The following DRC5 variants were observed in gnomAD, a reference collection of about 807,000 sequenced individuals.
DRC5 encodes the protein dynein regulatory complex subunit 5, also known as T-complex-associated testis-expressed protein 1.
the DRC5 span, among the ~76,000 whole-genome samples, chr6:44,283,010 G>A: frequency 2.0e-5 from 3 of 151,956 alleles, no homozygotes; most frequent in Admixed American, 6.6e-5. Context: ...TACCGTGTTA[G>A]CCAGGATGGT....
chr6:44,289,799 C>T, the DRC5 span, among the ~76,000 whole-genome samples: 2 of 152,378 alleles, frequency 1.3e-5, no homozygotes, highest in East Asian at 3.9e-4. Flanking sequence ...CCCTTGCACT[C>T]CTGCCCTGAG....
the DRC5 span, among the ~76,000 whole-genome samples, chr6:44,291,235 T>C: frequency 3.3e-5 from 5 of 152,202 alleles, no homozygotes; most frequent in Non-Finnish European, 7.3e-5. Flanking sequence ...AAGATCAGAG[T>C]TGATAATTTT....
the DRC5 span, among the ~76,000 whole-genome samples, chr6:44,291,739 T>A: frequency 6.6e-6 from 1 of 152,088 alleles, no homozygotes; most frequent in African/African-American, 2.4e-5. Context: ...AAGCAGAGGG[T>A]ACTGTTACCA....
At chr6:44,282,626 T>C in the DRC5 span, 7 of 1,433,202 alleles carry the variant, frequency 4.9e-6, no homozygotes, top group African/African-American at 2.8e-5. Flanking sequence ...ACCTAGATCT[T>C]TGGCAAACTT....
the DRC5 span, among the ~76,000 whole-genome samples, chr6:44,281,135 G>A: frequency 2.0e-5 from 3 of 152,150 alleles, no homozygotes; most frequent in Non-Finnish European, 4.4e-5. Flanking sequence ...ACCTAATGGA[G>A]GGCCCTGCTC....
the DRC5 span, among the ~76,000 whole-genome samples, chr6:44,285,629 T>C: frequency 6.6e-6 from 1 of 152,230 alleles, no homozygotes; most frequent in African/African-American, 2.4e-5. Context: ...TTTATGTTTA[T>C]ATGATTGCTG....
the DRC5 span, chr6:44,279,748 G>GGTGTGT: frequency 0.023 from 3,095 of 135,310 alleles, 50 homozygotes; most frequent in South Asian, 0.038. Context: ...GTAGCCAGAG[G>GGTGTGT]GTGTGTGTGT....
chr6:44,294,379 TAAG>T, the DRC5 span, among the ~76,000 whole-genome samples: 346 of 152,306 alleles, frequency 2.3e-3, 1 homozygote, highest in Non-Finnish European at 4.1e-3. Context: ...TGACTACATA[TAAG>T]ATATCAGGAT....
At chr6:44,287,522 G>A in the DRC5 span, 6 of 1,581,630 alleles carry the variant, frequency 3.8e-6, no homozygotes, top group Non-Finnish European at 1.7e-6. Context: ...GCCTTCTCCT[G>A]CCCACCTAAA....
At chr6:44,285,040 C>T in the DRC5 span, among the ~76,000 whole-genome samples, 10 of 152,342 alleles carry the variant, frequency 6.6e-5, no homozygotes, top group South Asian at 2.1e-4. Flanking sequence ...TCACACTCTG[C>T]GCCAGCCACA....
the DRC5 span, among the ~76,000 whole-genome samples, chr6:44,290,486 T>C: frequency 6.6e-6 from 1 of 152,178 alleles, no homozygotes; most frequent in African/African-American, 2.4e-5. Context: ...CCTGAGATGG[T>C]ATCTTTGGGT....
chr6:44,287,672 G>A, the DRC5 span: 24 of 1,614,228 alleles, frequency 1.5e-5, no homozygotes, highest in Non-Finnish European at 2.0e-5. Flanking sequence ...CTGGGATGTG[G>A]GTTCCTGGAC....
the DRC5 span, chr6:44,282,320 G>T: frequency 6.2e-7 from 1 of 1,614,224 alleles, no homozygotes; most frequent in East Asian, 2.2e-5. Flanking sequence ...AAATGAGGTT[G>T]GTGTTGTGTG....
the DRC5 span, among the ~76,000 whole-genome samples, chr6:44,291,767 G>T: frequency 6.6e-6 from 1 of 152,164 alleles, no homozygotes; most frequent in Non-Finnish European, 1.5e-5. Context: ...GAGGCTAGGG[G>T]GTGGTGGTGT....
chr6:44,288,887 G>A, the DRC5 span, among the ~76,000 whole-genome samples: 66 of 145,728 alleles, frequency 4.5e-4, 1 homozygote, highest in South Asian at 0.013. Flanking sequence ...CCAGCTACTC[G>A]GAAGGCTGAG....
the DRC5 span, among the ~76,000 whole-genome samples, chr6:44,296,091 G>A: frequency 6.6e-6 from 1 of 152,186 alleles, no homozygotes; most frequent in Non-Finnish European, 1.5e-5. Context: ...AACTTAGAAA[G>A]CTTAAGTAAC....
At chr6:44,280,789 C>G in the DRC5 span, among the ~76,000 whole-genome samples, 1 of 152,062 alleles carries the variant, frequency 6.6e-6, no homozygotes, top group Non-Finnish European at 1.5e-5. Context: ...TGGGCATGTC[C>G]CTGTATGAGA....
the DRC5 span, chr6:44,287,918 T>A: frequency 1.8e-5 from 27 of 1,483,216 alleles, no homozygotes; most frequent in Non-Finnish European, 2.3e-5. Context: ...CAGGTAGGGA[T>A]CTGGAGCAAA....
At chr6:44,287,854 G>T in the DRC5 span, 1 of 1,604,230 alleles carries the variant, frequency 6.2e-7, no homozygotes, top group South Asian at 1.1e-5. Flanking sequence ...AGGGGTGCGT[G>T]GCCCCTGGAT....
Sources: allele counts gnomAD v4.1 joint callset (sites outside exome capture counted in the v4.1 genomes callset), GRCh38; gene constraint gnomAD v4.1.1; transcripts MANE v1.5; gene names NCBI Gene and HGNC (gene_info 2026-07-23, HGNC 2026-07-21).